Variants in NAV2 observed in about 807,000 individuals in gnomAD.
NAV2 encodes helicase, APC down-regulated 1.
NAV2 carries 54 observed loss-of-function variants against 223.2 expected under a neutral mutation model. That is an observed-to-expected ratio of 0.24 (90% confidence interval 0.19 to 0.30). The LOEUF is 0.30. Among genes scored for constraint, NAV2 ranks in the 10% least tolerant of loss-of-function variants. NAV2 has a pLI of 1.00. For synonymous variants in NAV2, 1,279 were observed against 1,239.3 expected (o/e 1.03, Z -0.67); for missense variants, 2,806 against 3,147.5 (o/e 0.89, Z 2.60).
At chr11:19,504,677 G>C (rs2043066296) in intron 1 of NAV2, among the ~76,000 whole-genome samples, 1 of 152,128 alleles carries the variant, frequency 6.6e-6, no homozygotes, top group Non-Finnish European at 1.5e-5. Context: ...CAAAGTGCTG[G>C]GAATGAGGAC....
chr11:19,728,190 T>C (rs1227409516), intron 1 of NAV2, among the ~76,000 whole-genome samples: 5 of 152,210 alleles, frequency 3.3e-5, no homozygotes, highest in African/African-American at 1.2e-4. Flanking sequence ...GGCATCACCA[T>C]AGCATATGAG....
intron 1 of NAV2, among the ~76,000 whole-genome samples, chr11:19,630,753 A>G (rs1000346138): frequency 6.6e-6 from 1 of 151,968 alleles, no homozygotes; most frequent in Admixed American, 6.6e-5. Context: ...GTGCATGCCT[A>G]TAGTCCCAGC....
chr11:19,901,345 G>C (rs768886906), intron 6 of NAV2, among the ~76,000 whole-genome samples: 2 of 152,134 alleles, frequency 1.3e-5, no homozygotes, highest in Non-Finnish European at 2.9e-5. Flanking sequence ...TCTGGAGTTT[G>C]AGACCAGCCT....
intron 1 of NAV2, among the ~76,000 whole-genome samples, chr11:19,362,228 A>G (rs1853993264): frequency 6.6e-6 from 1 of 152,254 alleles, no homozygotes. Context: ...AGCTAGAAGT[A>G]GTAGACCAGG....
chr11:19,410,690 G>A (rs569883567), intron 1 of NAV2, among the ~76,000 whole-genome samples: 3 of 152,260 alleles, frequency 2.0e-5, no homozygotes, highest in Admixed American at 6.5e-5. Flanking sequence ...AGAATGACAT[G>A]CCATAGGAGG....
At chr11:19,490,142 G>A (rs1450696990) in intron 1 of NAV2, among the ~76,000 whole-genome samples, 1 of 152,132 alleles carries the variant, frequency 6.6e-6, no homozygotes, top group Non-Finnish European at 1.5e-5. Flanking sequence ...GACCATCTGA[G>A]CCTTCAGTGA....
chr11:19,858,224 C>A (rs975623272), intron 3 of NAV2, among the ~76,000 whole-genome samples: 1 of 152,192 alleles, frequency 6.6e-6, no homozygotes, highest in African/African-American at 2.4e-5. Context: ...CCCCCATCCA[C>A]CAGCCCCTGG....
chr11:19,963,143 T>C (rs1337654213), intron 10 of NAV2, among the ~76,000 whole-genome samples: 1 of 152,234 alleles, frequency 6.6e-6, no homozygotes, highest in Non-Finnish European at 1.5e-5. Context: ...GCACTGTAAT[T>C]CATAGTCGCT....
Position 19,810,703 on chromosome 11 carries a change from G to A in NAV2, c.268-21781G>A, listed in dbSNP as rs1196145277. On this transcript the variant is annotated intron_variant, in intron 1 of 37. Transcript: ENST00000349880. The stretch of plus-strand genomic sequence containing the variant: ...ATCTGTAAGCTTTCACTCCAACAGT[G>A]AGAACATCCTGTGAAGCTTGTTAAT... 2.0e-5 allele frequency among the ~76,000 whole-genome samples: 3 copies of A among 152,178 alleles called. No individual in the cohort carries two copies. In the East Asian group the frequency reaches 5.8e-4, roughly 29 times the overall value.
intron 10 of NAV2, among the ~76,000 whole-genome samples, chr11:19,958,537 T>A (rs10833204): frequency 0.4 from 61,006 of 152,040 alleles, 12,481 homozygotes; most frequent in African/African-American, 0.43. Flanking sequence ...TCCAGGCTGG[T>A]TCCACTACTC....
At chr11:19,514,905 ATTC>A (rs2043397086) in intron 1 of NAV2, among the ~76,000 whole-genome samples, 1 of 152,166 alleles carries the variant, frequency 6.6e-6, no homozygotes, top group Non-Finnish European at 1.5e-5. Context: ...GAGCTGTTTA[ATTC>A]TAATCATCCA....
intron 1 of NAV2, among the ~76,000 whole-genome samples, chr11:19,753,387 T>C (rs1834323): frequency 0.071 from 10,792 of 152,250 alleles, 641 homozygotes; most frequent in African/African-American, 0.16. Flanking sequence ...CATACATTTT[T>C]TTATATTTTG....
intron 11 of NAV2, among the ~76,000 whole-genome samples, chr11:19,999,646 C>T (rs1268036250): frequency 6.6e-6 from 1 of 152,214 alleles, no homozygotes; most frequent in Non-Finnish European, 1.5e-5. Flanking sequence ...GCTGGGATTA[C>T]AGGCGTGAGT....
chr11:19,743,825 C>T (rs533641583), intron 1 of NAV2, among the ~76,000 whole-genome samples: 4 of 152,262 alleles, frequency 2.6e-5, no homozygotes, highest in Admixed American at 6.5e-5. Flanking sequence ...CTGGACTGGT[C>T]CAGCCCAAAG....
intron 6 of NAV2, among the ~76,000 whole-genome samples, chr11:19,921,571 G>A (rs2044273063): frequency 6.6e-6 from 1 of 152,230 alleles, no homozygotes; most frequent in Non-Finnish European, 1.5e-5. Flanking sequence ...GCTGTTGACA[G>A]AAGGCTTGAT....
Position 19,670,290 on chromosome 11 carries a change from C to T in NAV2, c.76-162194C>T, listed in dbSNP as rs181288797. ...TCCCGGAGTCTGGGTTTGCTGCCTG[C>T]TCACCTAACTCTGATCTCCCCGGGC... On this transcript the variant is annotated intron_variant, in intron 1 of 37. Coordinates refer to the NAV2 transcript ENST00000360655. 3.3e-5 allele frequency among the ~76,000 whole-genome samples: 5 copies of T among 152,286 alleles called. No individual in the cohort carries two copies. The East Asian group carries it at 9.7e-4, about 29-fold the overall frequency.
At chr11:19,817,068 C>T (rs2059129295) in intron 1 of NAV2, among the ~76,000 whole-genome samples, 3 of 152,168 alleles carry the variant, frequency 2.0e-5, no homozygotes, top group African/African-American at 7.2e-5. Context: ...CTACCCACCA[C>T]CCCACTGCTC....
intron 1 of NAV2, among the ~76,000 whole-genome samples, chr11:19,460,377 G>C (rs895294025): frequency 2.0e-5 from 3 of 152,072 alleles, no homozygotes; most frequent in African/African-American, 4.8e-5. Context: ...TTTCACATTT[G>C]AAAATTTTCC....
intron 26 of NAV2, among the ~76,000 whole-genome samples, chr11:20,085,035 T>A (rs980748224): frequency 9.4e-5 from 14 of 149,032 alleles, no homozygotes; most frequent in African/African-American, 1.7e-4. Flanking sequence ...CAAAAAAAAA[T>A]TTTTTTTAAT....
Sources: gnomAD v4.1 joint callset for allele counts (sites outside exome capture counted in the v4.1 genomes callset) on GRCh38, gnomAD v4.1.1 for gene constraint, MANE v1.5 for transcripts, NCBI Gene and HGNC (gene_info 2026-07-23, HGNC 2026-07-21) for gene names.